The following CHN2 variants were observed in gnomAD, a reference collection of about 807,000 sequenced individuals.
CHN2 encodes chimerin 2, also known as beta-chimaerin.
CHN2 carries 35 observed loss-of-function variants against 56.3 expected under a neutral mutation model. The observed-to-expected ratio is 0.62, with a 90% confidence interval of 0.47 to 0.82. The LOEUF (loss-of-function observed/expected upper bound fraction) is 0.82. Among genes scored for constraint, CHN2 ranks in the 40% least tolerant of loss-of-function variants. The probability of loss-of-function intolerance (pLI) is 0.00; values close to 1 mark genes in which losing one functional copy is unlikely to be tolerated. For missense variants in CHN2, 491 were observed against 580.5 expected (o/e 0.85, Z 1.58); for synonymous variants, 210 against 212.8 (o/e 0.99, Z 0.12).
At position 29,218,496 on chromosome 7, in the gene CHN2, A is replaced by G. The variant is rs569141728; in HGVS notation, c.49+23506A>G. ...ATAAATCATGCTGCTATAAAGACACATGCACACGTATGTTTATAGCGGCAC... is the reference window on the plus strand; with the variant it reads ...ATAAATCATGCTGCTATAAAGACACGTGCACACGTATGTTTATAGCGGCAC... On this transcript the variant is annotated intron_variant, in intron 1 of 12. Coordinates refer to ENST00000222792, the MANE Select transcript of CHN2 (RefSeq NM_004067.4). 4.1e-4 allele frequency among the ~76,000 whole-genome samples: 63 copies of G among 152,274 alleles called. 1 individual carries two copies. In the Middle Eastern group the frequency reaches 0.017, roughly 41 times the overall value.
intron 6 of CHN2, among the ~76,000 whole-genome samples, chr7:29,472,018 A>G (rs933580281): frequency 1.3e-5 from 2 of 152,178 alleles, no homozygotes; most frequent in African/African-American, 4.8e-5. Context: ...GGCAAGGATG[A>G]TTCATTTGGC....
In CHN2 at chr7:29,160,342, T is replaced by A. The variant is rs75441410; in HGVS notation, c.274+13382T>A. Reference sequence around the variant, plus strand: ...ATTCCCTGATGTTCTCCCATCAATTTTCCTGTTCCTGTATGTGGCTGACAA... The same window carrying A: ...ATTCCCTGATGTTCTCCCATCAATTATCCTGTTCCTGTATGTGGCTGACAA... On this transcript the variant is annotated intron_variant, in intron 2 of 6. Transcript: ENST00000439384. Among the ~76,000 whole-genome samples the A allele has an allele frequency of 5.3e-5, 8 of 152,316 alleles. No individual in the cohort carries two copies. The East Asian group carries it at 1.5e-3, about 29-fold the overall frequency.
At chr7:29,411,281 G>T (rs1168903743) in intron 6 of CHN2, among the ~76,000 whole-genome samples, 1 of 152,154 alleles carries the variant, frequency 6.6e-6, no homozygotes, top group Non-Finnish European at 1.5e-5. Flanking sequence ...AACAAGGAGG[G>T]TTGGAAGGAG....
chr7:29,477,902 A>G (rs531390586), intron 6 of CHN2, among the ~76,000 whole-genome samples: 10 of 152,326 alleles, frequency 6.6e-5, no homozygotes, highest in African/African-American at 2.2e-4. Flanking sequence ...ACTTATATTT[A>G]TTCAGTGTCT....
intron 1 of CHN2, among the ~76,000 whole-genome samples, chr7:29,249,754 A>G (rs1448805182): frequency 4.6e-5 from 7 of 152,250 alleles, no homozygotes; most frequent in Non-Finnish European, 8.8e-5. Context: ...GAAAGATATT[A>G]TGGAATAAAT....
rs138784356 is a variant in CHN2 at position 29,498,758 on chromosome 7, C to CTTTTTTTT, written c.740-1095_740-1088dup. On this transcript the variant is annotated intron_variant, in intron 8 of 12. Coordinates refer to ENST00000222792, the MANE Select transcript of CHN2 (RefSeq NM_004067.4). ...TGTAGCAGAATGTAGACTATGCTGCCTTTTTTTTTTTTTTTTTTTTTGGAG... is the reference window on the plus strand; with the variant it reads ...TGTAGCAGAATGTAGACTATGCTGCCTTTTTTTTTTTTTTTTTTTTTTTTTTTTTGGAG... Among the ~76,000 whole-genome samples, 673 of 100,012 alleles carry CTTTTTTTT rather than the reference C, an allele frequency of 6.7e-3. 21 individuals are homozygous for CTTTTTTTT. Among genetic ancestry groups the CTTTTTTTT allele is most frequent in the African/African-American group, 0.017 (390 of 23,034 alleles). 65.6% of individuals were successfully genotyped at this position (100,012 alleles called of 152,430 possible). A position where few individuals can be genotyped will look rare whatever the true frequency, so the allele number is the denominator to read the frequency against.
intron 2 of CHN2, among the ~76,000 whole-genome samples, chr7:29,159,227 TA>T (rs910191212): frequency 7.2e-5 from 11 of 152,188 alleles, no homozygotes; most frequent in African/African-American, 2.7e-4. Flanking sequence ...CCTTGAAAAT[TA>T]TTCAGCTTCT....
At chr7:29,376,260 A>T (rs1562558765) in intron 3 of CHN2, 1 of 152,206 alleles carries the variant, frequency 6.6e-6, no homozygotes, top group Non-Finnish European at 1.5e-5. Context: ...TGCCCTGAGC[A>T]CCGGCTTCAG....
Position 29,361,451 on chromosome 7 carries a change from T to C in CHN2, c.89-6481T>C, listed in dbSNP as rs150240696. ...TGCCTACTTGCCAACTTCTGTTGTT[T>C]GGAACAGCATAGAACAGGGTTTTGC... On this transcript the variant is annotated intron_variant, in intron 2 of 12. Coordinates refer to ENST00000222792, the MANE Select transcript of CHN2 (RefSeq NM_004067.4). Among the ~76,000 whole-genome samples, 453 of 152,316 alleles carry C rather than the reference T, an allele frequency of 3.0e-3. 3 individuals are homozygous for C. Among genetic ancestry groups the C allele is most frequent in the African/African-American group, 0.01 (421 of 41,578 alleles).
chr7:29,197,596 G>A (rs1783839824), intron 1 of CHN2, among the ~76,000 whole-genome samples: 1 of 152,208 alleles, frequency 6.6e-6, no homozygotes, highest in Non-Finnish European at 1.5e-5. Context: ...TTTAGGTGGA[G>A]ACATGAATCC....
chr7:29,202,922 C>T (rs1162457163), intron 1 of CHN2, among the ~76,000 whole-genome samples: 17 of 152,168 alleles, frequency 1.1e-4, no homozygotes, highest in Admixed American at 1.0e-3. Flanking sequence ...CAGTAGATCT[C>T]CTGCAGCATG....
chr7:29,463,334 A>G (rs1450176274), intron 6 of CHN2, among the ~76,000 whole-genome samples: 1 of 152,106 alleles, frequency 6.6e-6, no homozygotes, highest in Non-Finnish European at 1.5e-5. Flanking sequence ...GGAGCAACAG[A>G]GCCCATGTAA....
At chr7:29,283,297 G>A (rs116643305) in intron 1 of CHN2, among the ~76,000 whole-genome samples, 2,859 of 152,298 alleles carry the variant, frequency 0.019, 89 homozygotes, top group African/African-American at 0.065. Flanking sequence ...AGAGGACGTA[G>A]CTGAGCAGCT....
At chr7:29,400,467 G>A (rs936294588) in intron 5 of CHN2, 76 bp from the exon 6 acceptor site, 63 of 1,438,166 alleles carry the variant, frequency 4.4e-5, no homozygotes, top group Admixed American at 1.5e-4. Context: ...TTCAAAAAAC[G>A]TTAGCTGCTA....
chr7:29,186,352 G>T (rs995982962), intron 2 of CHN2: 2 of 152,302 alleles, frequency 1.3e-5, no homozygotes, highest in African/African-American at 2.4e-5. Context: ...GGAGGCCAGG[G>T]TGGATAGATT....
At chr7:29,366,516 A>G (rs1219136649) in intron 2 of CHN2, among the ~76,000 whole-genome samples, 1 of 152,204 alleles carries the variant, frequency 6.6e-6, no homozygotes, top group Non-Finnish European at 1.5e-5. Context: ...AAGGCCATTC[A>G]TCTTTCCTCC....
chr7:29,204,235 C>T (rs1032262418), intron 1 of CHN2, among the ~76,000 whole-genome samples: 1 of 147,112 alleles, frequency 6.8e-6, no homozygotes, highest in African/African-American at 2.6e-5. Flanking sequence ...TATGTATACA[C>T]AGAAAGTGGA....
chr7:29,304,531 G>T (rs1352552016), intron 1 of CHN2, among the ~76,000 whole-genome samples: 1 of 152,206 alleles, frequency 6.6e-6, no homozygotes, highest in Non-Finnish European at 1.5e-5. Flanking sequence ...GGATAAAATG[G>T]AGTATTCTTA....
chr7:29,441,200 A>G (rs957716641), intron 6 of CHN2, among the ~76,000 whole-genome samples: 8 of 152,196 alleles, frequency 5.3e-5, no homozygotes, highest in Admixed American at 1.3e-4. Flanking sequence ...AGAGCATTCA[A>G]TGGGAGAAAG....
Sources: gnomAD v4.1 joint callset for allele counts (sites outside exome capture counted in the v4.1 genomes callset) on GRCh38, gnomAD v4.1.1 for gene constraint, MANE v1.5 for transcripts, NCBI Gene and HGNC (gene_info 2026-07-23, HGNC 2026-07-21) for gene names.